Variants in KDM2A observed in about 807,000 individuals in gnomAD.
The protein encoded by KDM2A is lysine-specific demethylase 2A.
In KDM2A, 3 loss-of-function variants were observed where a neutral mutation model predicts 137.3. The observed-to-expected ratio is 0.02, with a 90% CI of 0.01 to 0.06. The LOEUF is 0.06. KDM2A is among the 10% of genes least tolerant of loss of function. The pLI is 1.00. For synonymous variants in KDM2A, 512 were observed against 541.5 expected (o/e 0.95, Z 0.76); for missense variants, 738 against 1,510.6 (o/e 0.49, Z 8.48).
chr11:67,128,787 T>G (rs1417405258), intron 2 of KDM2A, among the ~76,000 whole-genome samples: 1 of 152,260 alleles, frequency 6.6e-6, no homozygotes, highest in African/African-American at 2.4e-5. Flanking sequence ...TGTTTTTGTT[T>G]ATGCTGTGTG....
intron 9 of KDM2A, among the ~76,000 whole-genome samples, chr11:67,218,736 G>A (rs747121641): frequency 5.9e-5 from 9 of 151,944 alleles, no homozygotes; most frequent in Non-Finnish European, 1.2e-4. Flanking sequence ...TCAGCCTCCC[G>A]AGTAGCTGGG....
At chr11:67,173,665 A>T (rs995005333) in intron 2 of KDM2A, among the ~76,000 whole-genome samples, 1 of 152,126 alleles carries the variant, frequency 6.6e-6, no homozygotes, top group African/African-American at 2.4e-5. Context: ...CTAAGATTAC[A>T]GGTGTGAGCC....
rs79621642 is a variant in KDM2A, at chr11:67,252,600, G to A, written c.2769-94G>A. Reference sequence around the variant, plus strand: ...ACACTTGTAGAAGAACGAGCCTCCAGGTACTCTGCTTTTCCCAGAAGCCAT... The same window carrying A: ...ACACTTGTAGAAGAACGAGCCTCCAAGTACTCTGCTTTTCCCAGAAGCCAT... On this transcript the variant is annotated intron_variant, in intron 17 of 20. Transcript: ENST00000529006. The A allele has an allele frequency of 7.1e-4, 974 of 1,363,730 alleles. 3 individuals carry two copies. The African/African-American group carries it at 0.012, about 17-fold the overall frequency. The allele number at this position is 1,363,730 out of a possible 1,614,324, so 84.5% of individuals were successfully genotyped here.
chr11:67,119,739 C>T lies in KDM2A; in HGVS notation c.-394C>T, dbSNP rs1486898631. The T allele has an allele frequency of 6.7e-6, 1 of 150,078 alleles. No homozygotes were observed. The highest frequency in any genetic ancestry group is 1.5e-5 in the Non-Finnish European group (1 of 67,198). 9.3% of individuals were successfully genotyped at this position (150,078 alleles called of 1,614,324 possible). ...GGCACGGCGAGGAGGGCGCTCCCTGCGGCCGGGGCCGGCCCGGGGCTCGGG... is the reference window on the plus strand; with the variant it reads ...GGCACGGCGAGGAGGGCGCTCCCTGTGGCCGGGGCCGGCCCGGGGCTCGGG... On this transcript the variant is annotated 5_prime_UTR_variant, in exon 1 of 21. Coordinates refer to ENST00000529006, the MANE Select transcript of KDM2A (RefSeq NM_012308.3).
At chr11:67,251,502 T>A (rs143648231) in intron 17 of KDM2A, among the ~76,000 whole-genome samples, 1 of 152,374 alleles carries the variant, frequency 6.6e-6, no homozygotes, top group East Asian at 1.9e-4. Context: ...ATATATTTAC[T>A]CTAGGATATA....
At chr11:67,247,064 T>C (rs1565424160) in intron 15 of KDM2A, among the ~76,000 whole-genome samples, 1 of 33,452 alleles carries the variant, frequency 3.0e-5, no homozygotes, top group African/African-American at 1.4e-4. Flanking sequence ...TATATATATA[T>C]ATATATATTT....
intron 2 of KDM2A, among the ~76,000 whole-genome samples, chr11:67,167,616 CTAAA>C (rs1375161483): frequency 6.6e-6 from 1 of 151,498 alleles, no homozygotes; most frequent in Admixed American, 6.6e-5. Flanking sequence ...GTCCTACTGA[CTAAA>C]TATTTTTTTT....
At chr11:67,209,393 A>G (rs1464024021) in intron 6 of KDM2A, among the ~76,000 whole-genome samples, 1 of 151,248 alleles carries the variant, frequency 6.6e-6, no homozygotes, top group Non-Finnish European at 1.5e-5. Flanking sequence ...AACATTATTT[A>G]TTTATAATTT....
intron 10 of KDM2A, among the ~76,000 whole-genome samples, chr11:67,225,997 G>A (rs1289538806): frequency 6.7e-6 from 1 of 149,434 alleles, no homozygotes; most frequent in Non-Finnish European, 1.5e-5. Context: ...CCCAGGAGGT[G>A]GAGGTTGCAG....
chr11:67,151,784 C>A (rs746435910), intron 2 of KDM2A, among the ~76,000 whole-genome samples: 1 of 152,034 alleles, frequency 6.6e-6, no homozygotes, highest in Non-Finnish European at 1.5e-5. Context: ...TTCACTCTTA[C>A]CCAGACTGGA....
intron 5 of KDM2A, among the ~76,000 whole-genome samples, chr11:67,200,317 G>T (rs931709048): frequency 6.6e-6 from 1 of 151,884 alleles, no homozygotes; most frequent in Non-Finnish European, 1.5e-5. Flanking sequence ...CTGGGTTCAC[G>T]CCATTCTCCT....
rs1480086939 is a variant in KDM2A, at chr11:67,203,735, CAG to C, written c.308-3772_308-3771del. ...TGCCACTGCACTCCAGCCTGGGTGA[CAG>C]AGTGAGGCCCCATCTCAAAAGGAAA... On this transcript the variant is annotated intron_variant, in intron 5 of 20. Transcript: ENST00000529006. 6.0e-5 allele frequency among the ~76,000 whole-genome samples: 9 copies of C among 150,800 alleles called. No individual in the cohort carries two copies. The South Asian group carries it at 1.9e-3, about 31-fold the overall frequency.
At position 67,245,440 on chromosome 11, in the gene KDM2A, C is replaced by T; in HGVS notation, c.1815C>T (p.Val605=). The part of the protein sequence containing the change: ...GGPGRMKQSC[V]LRQCLAPRLP... ...CTGGACGCATGAAGCAGTCCTGTGT[C>T]CTCCGACAGTGCTTGGCAGTGAGTG... The change falls in exon 14 of 21, where the codon GTC becomes GTT. Residue 605 remains valine (V), a synonymous_variant. Transcript: ENST00000529006. This position sits in a 1 kb window ranked among gnomAD's most constrained non-coding sequence, Gnocchi z 4.1. The T allele has an allele frequency of 6.2e-7, 1 of 1,613,662 alleles. No individual in the cohort carries two copies. Among genetic ancestry groups the T allele is most frequent in the Non-Finnish European group, 8.5e-7 (1 of 1,179,880 alleles).
At chr11:67,139,268 G>A (rs575022264) in intron 2 of KDM2A, among the ~76,000 whole-genome samples, 19 of 150,882 alleles carry the variant, frequency 1.3e-4, no homozygotes, top group African/African-American at 3.9e-4. Context: ...CTTTTGAGAC[G>A]GAGTCTCGCT....
At chr11:67,233,853 G>A (rs948458697) in intron 12 of KDM2A, among the ~76,000 whole-genome samples, 5 of 152,044 alleles carry the variant, frequency 3.3e-5, no homozygotes, top group Admixed American at 2.6e-4. Flanking sequence ...AAAAGTGTCC[G>A]GAGATAGCTT....
chr11:67,131,935 T>C (rs1855863084), intron 2 of KDM2A: 2 of 152,222 alleles, frequency 1.3e-5, no homozygotes, highest in African/African-American at 4.8e-5. Context: ...ATCCTTGTTT[T>C]CTGTTTTAAA....
At chr11:67,251,845 G>A (rs190462307) in intron 17 of KDM2A, among the ~76,000 whole-genome samples, 37 of 152,294 alleles carry the variant, frequency 2.4e-4, no homozygotes, top group Non-Finnish European at 2.9e-5. Flanking sequence ...CTGAATTAAT[G>A]TATAGTGTAT....
At chr11:67,234,510 G>T (rs1023143027) in intron 12 of KDM2A, among the ~76,000 whole-genome samples, 1 of 152,166 alleles carries the variant, frequency 6.6e-6, no homozygotes, top group South Asian at 2.1e-4. Context: ...GTTCTAAGGC[G>T]TTGAAGAACA....
intron 2 of KDM2A, among the ~76,000 whole-genome samples, chr11:67,168,580 T>TCTA (rs1555084549): frequency 2.1e-4 from 1 of 4,658 alleles, no homozygotes; most frequent in Non-Finnish European, 4.1e-4. Context: ...TTGTATGAAT[T>TCTA]ATACACACAC....
Sources: allele counts gnomAD v4.1 joint callset (sites outside exome capture counted in the v4.1 genomes callset), GRCh38; gene constraint gnomAD v4.1.1; non-coding constraint Gnocchi (gnomAD v3.1); transcripts MANE v1.5; gene names NCBI Gene and HGNC (gene_info 2026-07-23, HGNC 2026-07-21).